The following USP9X variants were observed in gnomAD, a reference collection of about 807,000 sequenced individuals.
The protein encoded by USP9X is ubiquitin specific peptidase 9 X-linked, also known as ubiquitin carboxyl-terminal hydrolase 9X.
A neutral mutation model predicts 190.3 loss-of-function variants in USP9X; 7 were observed. The observed-to-expected ratio is 0.04, with a 90% CI of 0.02 to 0.07. USP9X has a LOEUF of 0.07. Among genes scored for constraint, USP9X ranks in the 10% least tolerant of loss-of-function variants. USP9X has a pLI of 1.00. For synonymous variants in USP9X, 645 were observed against 659.5 expected (o/e 0.98, Z 0.34); for missense variants, 1,010 against 1,916.9 (o/e 0.53, Z 8.83).
intron 26 of USP9X, among the ~76,000 whole-genome samples, chrX:41,191,254 G>T (rs2062932432): frequency 9.3e-6 from 1 of 107,479 alleles, no homozygotes; most frequent in South Asian, 4.2e-4. Context: ...GCTTGAACCC[G>T]GAAGGCGGAT....
At chrX:41,137,892 T>C (rs1299592560) in intron 6 of USP9X, among the ~76,000 whole-genome samples, 1 of 110,858 alleles carries the variant, frequency 9.0e-6, no homozygotes, top group Non-Finnish European at 1.9e-5. Context: ...TTTTTTTTTT[T>C]CTCTATGTGC....
intron 18 of USP9X, 77 bp downstream of exon 18, chrX:41,168,295 A>G: frequency 1.1e-6 from 1 of 901,734 alleles, no homozygotes. Context: ...AAAGGAGAGC[A>G]GAAATTTTTC....
In USP9X at chrX:41,186,639, T is replaced by TGAG; in HGVS notation, c.3683_3684+1dup. 1.7e-6 allele frequency: 2 copies of TGAG among 1,210,415 alleles called. No individual in the cohort carries two copies. Among genetic ancestry groups the TGAG allele is most frequent in the Non-Finnish European group, 2.2e-6 (2 of 894,823 alleles). The stretch of plus-strand genomic sequence containing the variant: ...TTCGTCTTGCTCAGCAGATATCTGA[T>TGAG]GAGGTTAGTTTTATCAAGACTTCTG... On this transcript the variant is annotated inframe_insertion, in exon 24 of 45. Transcript: ENST00000378308.
chrX:41,172,894 T>C (rs765791898), intron 21 of USP9X, among the ~76,000 whole-genome samples: 1 of 111,953 alleles, frequency 8.9e-6, no homozygotes, highest in South Asian at 3.7e-4. Context: ...CCTTTGCATG[T>C]GACCTTCGTT....
intron 14 of USP9X, among the ~76,000 whole-genome samples, chrX:41,162,181 C>G (rs1381124132): frequency 9.0e-6 from 1 of 111,607 alleles, no homozygotes; most frequent in African/African-American, 3.3e-5. Context: ...AAAGAGCTTA[C>G]ATAATTAGAA....
In USP9X at chrX:41,220,526, C is replaced by T. The variant is rs546380576; in HGVS notation, c.6565+1295C>T. On this transcript the variant is annotated intron_variant, in intron 38 of 44. Coordinates refer to ENST00000378308, the MANE Select transcript of USP9X (RefSeq NM_001039591.3). The stretch of plus-strand genomic sequence containing the variant: ...TAGCAGGGTCTGAGACAACAACTTA[C>T]AATTGAACACATTAATATTTCTACA... Among the ~76,000 whole-genome samples, 3 of 112,432 alleles carry T rather than the reference C, an allele frequency of 2.7e-5. No individual in the cohort carries two copies. In the South Asian group the frequency reaches 1.1e-3, roughly 41 times the overall value.
At chrX:41,221,509 C>T (rs756378504) in intron 38 of USP9X, among the ~76,000 whole-genome samples, 14 of 111,046 alleles carry the variant, frequency 1.3e-4, no homozygotes, top group East Asian at 5.7e-4. Context: ...GGGAATGTAA[C>T]GTGGGAATTG....
chrX:41,091,988 A>G (rs747625855), intron 1 of USP9X, among the ~76,000 whole-genome samples: 24 of 112,020 alleles, frequency 2.1e-4, no homozygotes, highest in Non-Finnish European at 3.8e-4. Flanking sequence ...GATTACCTGA[A>G]TGGGAAAATC....
At chrX:41,198,006 C>T (rs1009606185) in intron 29 of USP9X, among the ~76,000 whole-genome samples, 1 of 111,722 alleles carries the variant, frequency 9.0e-6, no homozygotes, top group Admixed American at 9.5e-5. Flanking sequence ...CAGAGCAAGG[C>T]CCTGTCTCAA....
intron 15 of USP9X, 24 bp from the exon 16 acceptor site, chrX:41,165,848 G>A: frequency 3.4e-6 from 4 of 1,185,715 alleles, no homozygotes; most frequent in Non-Finnish European, 4.6e-6. Flanking sequence ...AAATCTAATT[G>A]CCAATTTTCA....
intron 1 of USP9X, among the ~76,000 whole-genome samples, chrX:41,099,131 A>G (rs1160477658): frequency 1.8e-5 from 1 of 54,578 alleles, no homozygotes; most frequent in Non-Finnish European, 3.2e-5. Context: ...TTAAACAGAG[A>G]TGGAGTCTCA....
chrX:41,181,212 G>T (rs1388866523), intron 21 of USP9X, among the ~76,000 whole-genome samples: 1 of 108,547 alleles, frequency 9.2e-6, no homozygotes, highest in African/African-American at 3.4e-5. Flanking sequence ...CGGAGAAACT[G>T]AAGCACAGAG....
At chrX:41,206,674 A>C (rs1238908685) in intron 32 of USP9X, among the ~76,000 whole-genome samples, 1 of 111,458 alleles carries the variant, frequency 9.0e-6, no homozygotes, top group African/African-American at 3.3e-5. Context: ...AGGCAACGCT[A>C]CTTCATAGGG....
At chrX:41,195,960 T>A (rs1178552138) in intron 26 of USP9X, 2 of 434,375 alleles carry the variant, frequency 4.6e-6, no homozygotes, top group South Asian at 5.1e-5. Flanking sequence ...GCATTTGGTA[T>A]ATAGAGGAAC....
intron 1 of USP9X, among the ~76,000 whole-genome samples, chrX:41,114,021 A>G (rs1412456696): frequency 4.4e-5 from 5 of 112,892 alleles, no homozygotes; most frequent in African/African-American, 1.3e-4. Flanking sequence ...CTGTAATTTC[A>G]TAGCCATCTC....
intron 2 of USP9X, 38 bp downstream of exon 2, chrX:41,123,762 G>T (rs1264575631): frequency 8.7e-7 from 1 of 1,149,041 alleles, no homozygotes; most frequent in Non-Finnish European, 1.2e-6. Context: ...CTACAGTGGG[G>T]CTGGACTCAG....
chrX:41,225,123 C>G lies in USP9X; in HGVS notation c.7047C>G (p.Ser2349=), dbSNP rs1273276175. The G allele has an allele frequency of 8.3e-7, 1 of 1,209,309 alleles. No homozygotes were observed. The highest frequency in any genetic ancestry group is 1.8e-5 in the African/African-American group (1 of 57,140). ...LLLQILLIED[S]WQTHRIHNAL... ...TGCAAATCTTACTGATTGAGGACTC[C>G]TGGCAAACTCACAGGTGGATACTCT... The change falls in exon 41 of 45, where the codon TCC becomes TCG. Residue 2349 remains serine, a synonymous_variant. Transcript: ENST00000378308.
In USP9X at chrX:41,184,289, T is replaced by A. The variant is rs2062853753; in HGVS notation, c.3280-108T>A. ...TGAAATATTAATTTGAAATAAATAA[T>A]AGTGAGATGGTCAAGAGTTTCTTGG... On this transcript the variant is annotated intron_variant, in intron 22 of 44. Coordinates refer to ENST00000378308, the MANE Select transcript of USP9X (RefSeq NM_001039591.3). The A allele has an allele frequency of 5.9e-6, 6 of 1,008,922 alleles. No homozygotes were observed. In the South Asian group the frequency reaches 1.2e-4, roughly 21 times the overall value. The allele number at this position is 1,008,922 out of a possible 1,213,427, so 83.1% of individuals were successfully genotyped here.
intron 12 of USP9X, among the ~76,000 whole-genome samples, chrX:41,149,782 C>T (rs2062506016): frequency 9.1e-6 from 1 of 109,800 alleles, no homozygotes; most frequent in African/African-American, 3.3e-5. Context: ...CGGCTCACTG[C>T]AACCTCCGCC....
Sources: gnomAD v4.1 joint callset for allele counts (sites outside exome capture counted in the v4.1 genomes callset) on GRCh38, gnomAD v4.1.1 for gene constraint, MANE v1.5 for transcripts, NCBI Gene and HGNC (gene_info 2026-07-23, HGNC 2026-07-21) for gene names.